TRIOBP: variants seen among roughly 807,000 people sequenced by gnomAD.
TRIOBP encodes TRIO and F-actin-binding protein.
Under a neutral mutation model 238.8 loss-of-function variants are expected in TRIOBP, and 169 were observed. The observed-to-expected ratio is 0.71, with a 90% CI of 0.62 to 0.80. The LOEUF (loss-of-function observed/expected upper bound fraction) is 0.80, where lower values mean the gene tolerates loss of function less well. TRIOBP is among the 30% of genes least tolerant of loss of function. TRIOBP has a pLI of 0.00. For synonymous variants in TRIOBP, 1,150 were observed against 1,274.4 expected (o/e 0.90, Z 2.08); for missense variants, 2,838 against 3,122.6 (o/e 0.91, Z 2.17).
rs745578834 is a variant in TRIOBP at position 37,734,382 on chromosome 22, C to G, written c.4063-17C>G. 6 of 1,610,638 alleles carry G rather than the reference C, an allele frequency of 3.7e-6. No homozygotes were observed. Among genetic ancestry groups the G allele is most frequent in the South Asian group, 1.1e-5 (1 of 90,840 alleles). On this transcript the variant is annotated splice_polypyrimidine_tract_variant and intron_variant, in intron 8 of 23. Coordinates refer to ENST00000644935, the MANE Select transcript of TRIOBP (RefSeq NM_001039141.3). ...CCCAGAGAGAGAGCCTCACCTACCC[C>G]CTCACCTCATCCCCAGGTGACCATG...
intron 23 of TRIOBP, among the ~76,000 whole-genome samples, 180 bp from the exon 24 acceptor site, chr22:37,773,603 C>T (rs1186812637): frequency 1.3e-5 from 2 of 152,136 alleles, no homozygotes; most frequent in Non-Finnish European, 2.9e-5. Flanking sequence ...CTTCCTATGG[C>T]ATGCAGGAGA....
Position 37,725,315 on chromosome 22 carries a change from G to A in TRIOBP, c.2759G>A (p.Arg920Gln), listed in dbSNP as rs776095562. ...PLRPTQSDGP[R>Q]TSSPSRSKQS... The stretch of plus-strand genomic sequence containing the variant: ...CGGCCAACTCAGAGTGATGGTCCCC[G>A]AACCTCTTCCCCATCTCGCTCCAAG... Residue 920 changes from arginine (R) to glutamine (Q), a missense_variant, in exon 7 of 24, where the codon CGA becomes CAA. Physicochemically the swap from Arg to Gln is conservative, Grantham distance 43 (BLOSUM62 1). Coordinates refer to ENST00000644935, the MANE Select transcript of TRIOBP (RefSeq NM_001039141.3). The A allele has an allele frequency of 6.8e-6, 11 of 1,613,382 alleles. No individual in the cohort carries two copies. Among genetic ancestry groups the A allele is most frequent in the South Asian group, 4.4e-5 (4 of 91,050 alleles).
chr22:37,764,830 G>T (rs1466646765), intron 17 of TRIOBP, among the ~76,000 whole-genome samples: 2 of 152,234 alleles, frequency 1.3e-5, no homozygotes, highest in Non-Finnish European at 2.9e-5. Context: ...AGACCCTGGG[G>T]ACTGCGCCAG....
At chr22:37,768,578 T>C (rs1015395140) in intron 19 of TRIOBP, among the ~76,000 whole-genome samples, 1 of 152,124 alleles carries the variant, frequency 6.6e-6, no homozygotes, top group Non-Finnish European at 1.5e-5. Flanking sequence ...CCCAGCACTT[T>C]GGGAGGCTGG....
At chr22:37,714,091 A>G (rs932966614) in intron 5 of TRIOBP, among the ~76,000 whole-genome samples, 4 of 152,244 alleles carry the variant, frequency 2.6e-5, no homozygotes, top group Middle Eastern at 3.4e-3. Flanking sequence ...TCAGAAGTGG[A>G]GATTTCAGTC....
chr22:37,758,181 C>T (rs774176660), intron 16 of TRIOBP, 43 bp downstream of exon 16: 15 of 1,605,562 alleles, frequency 9.3e-6, no homozygotes, highest in East Asian at 6.7e-5. Flanking sequence ...CTTGCCCCAG[C>T]GCCCCTCCAG....
chr22:37,705,429 G>A (rs1318283894), intron 3 of TRIOBP, among the ~76,000 whole-genome samples: 1 of 152,030 alleles, frequency 6.6e-6, no homozygotes, highest in East Asian at 1.9e-4. Flanking sequence ...AAAGGAGGCT[G>A]CACATCGGGC....
At chr22:37,742,589 G>A (rs371736248) in intron 11 of TRIOBP, among the ~76,000 whole-genome samples, 2 of 152,148 alleles carry the variant, frequency 1.3e-5, no homozygotes, top group African/African-American at 4.8e-5. Flanking sequence ...TGCTCTTTGT[G>A]GTTAAGGCAC....
intron 7 of TRIOBP, among the ~76,000 whole-genome samples, chr22:37,732,013 C>A (rs1924446009): frequency 6.6e-6 from 1 of 152,228 alleles, no homozygotes; most frequent in Non-Finnish European, 1.5e-5. Flanking sequence ...CTGCCTCACT[C>A]TGGGTCCACC....
At position 37,710,318 on chromosome 22, in the gene TRIOBP, C is replaced by T. The variant is rs1000475846; in HGVS notation, c.115-109C>T. The T allele has an allele frequency of 4.7e-6, 7 of 1,496,620 alleles. No individual in the cohort carries two copies. In the East Asian group the frequency reaches 1.4e-4, roughly 30 times the overall value. 92.7% of individuals were successfully genotyped at this position (1,496,620 alleles called of 1,614,324 possible). A position where few individuals can be genotyped will look rare whatever the true frequency, so the allele number is the denominator to read the frequency against. The stretch of plus-strand genomic sequence containing the variant: ...GGCAGCTCCTTGAGAAGTGCAGGAT[C>T]CCCCGAGGAGATGCCTGGAGACTCC... On this transcript the variant is annotated intron_variant, in intron 3 of 23. Transcript: ENST00000644935.
chr22:37,755,573 G>C lies in TRIOBP; in HGVS notation c.5601G>C (p.Leu1867Phe), dbSNP rs1479819269. The C allele has an allele frequency of 3.7e-6, 6 of 1,613,898 alleles. No homozygotes were observed. Among genetic ancestry groups the C allele is most frequent in the Non-Finnish European group, 5.1e-6 (6 of 1,180,036 alleles). Reference sequence around the variant, plus strand: ...AGACCAAGGATGCTGTCTATACCTTGTCGGCCATGACCTCAGGCATCCGGC... The same window carrying C: ...AGACCAAGGATGCTGTCTATACCTTCTCGGCCATGACCTCAGGCATCCGGC... ...QIHTKDAVYTLSAMTSGIRRN... is the reference protein window; with the variant it reads ...QIHTKDAVYTFSAMTSGIRRN... The change falls in exon 15 of 24, where the codon TTG (leucine) becomes TTC (phenylalanine). Residue 1867 changes from leucine (L) to phenylalanine (F), a missense_variant. By Grantham distance (22) the Leu-to-Phe change is conservative. Coordinates refer to ENST00000644935, the MANE Select transcript of TRIOBP (RefSeq NM_001039141.3).
chr22:37,726,441 C>T lies in TRIOBP; in HGVS notation c.3885C>T (p.Ser1295=), dbSNP rs739137. The stretch of plus-strand genomic sequence containing the variant: ...CAGGGCCCCAGGCGCAGTGCAGCAG[C>T]GGGGGCCGCACCCACAGCCCTGGCC... The part of the protein sequence containing the change: ...RQPGPQAQCS[S]GGRTHSPGRA... Residue 1295 remains serine, a synonymous_variant, in exon 7 of 24, where the codon AGC becomes AGT. Transcript: ENST00000644935. 668,780 of 1,575,944 alleles carry T rather than the reference C, an allele frequency of 0.42. 146,185 individuals are homozygous for T. The highest frequency in any genetic ancestry group is 0.56 in the East Asian group (24,704 of 43,846).
In TRIOBP at chr22:37,735,200, C is replaced by T. The variant is rs1313896980; in HGVS notation, c.4864C>T (p.Pro1622Ser). 4 of 1,608,852 alleles carry T rather than the reference C, an allele frequency of 2.5e-6. No individual in the cohort carries two copies. The highest frequency in any genetic ancestry group is 1.1e-5 in the South Asian group (1 of 90,972). ...ELGPPGTNDV[P>S]EQESHSQPEG... Reference sequence around the variant, plus strand: ...GGGTCCCCCAGGCACAAACGATGTCCCTGAGCAGGAGTCACACAGCCAGCC... The same window carrying T: ...GGGTCCCCCAGGCACAAACGATGTCTCTGAGCAGGAGTCACACAGCCAGCC... The change falls in exon 9 of 24, where the codon CCT (proline) becomes TCT (serine). Residue 1622 changes from proline (P) to serine (S), a missense_variant. Physicochemically the swap from Pro to Ser is moderately conservative, Grantham distance 74. This residue lies in a region of TRIOBP where 2,096 missense variants were observed against 2,137.4 expected (regional missense o/e 0.98). Transcript: ENST00000644935.
At chr22:37,746,858 C>T (rs1456231443) in intron 11 of TRIOBP, among the ~76,000 whole-genome samples, 2 of 152,150 alleles carry the variant, frequency 1.3e-5, no homozygotes, top group Non-Finnish European at 2.9e-5. Flanking sequence ...GGATGGGTCG[C>T]GCTGACCCGG....
Position 37,772,592 on chromosome 22 carries a change from G to A in TRIOBP, c.6937-9G>A. On this transcript the variant is annotated splice_polypyrimidine_tract_variant and intron_variant, in intron 22 of 23. Coordinates refer to ENST00000644935, the MANE Select transcript of TRIOBP (RefSeq NM_001039141.3). ...CTTCATGCCCTCATACCTGCCTCCT[G>A]CCCCCCAGGACAAGCGCTTCACCTC... 1.2e-6 allele frequency: 2 copies of A among 1,613,964 alleles called. No individual in the cohort carries two copies. The highest frequency in any genetic ancestry group is 1.7e-6 in the Non-Finnish European group (2 of 1,179,990).
chr22:37,697,961 AGGTCGAGGT>A (rs1409796606), intron 2 of TRIOBP, among the ~76,000 whole-genome samples: 1 of 151,672 alleles, frequency 6.6e-6, no homozygotes, highest in Non-Finnish European at 1.5e-5. Context: ...GCACTTTGGG[AGGTCGAGGT>A]GGGTGGATCA....
At chr22:37,738,750 G>A (rs1432384299) in intron 10 of TRIOBP, 31 bp downstream of exon 10, 13 of 1,609,902 alleles carry the variant, frequency 8.1e-6, no homozygotes, top group Non-Finnish European at 1.1e-5. Context: ...GGTACATACG[G>A]TGGGGAAGGG....
chr22:37,759,684 A>G (rs910105101), intron 17 of TRIOBP: 280 of 1,517,192 alleles, frequency 1.8e-4, no homozygotes, highest in Non-Finnish European at 2.3e-4. Flanking sequence ...AAGGCCCCAC[A>G]CAAGGAGGTC....
intron 22 of TRIOBP, chr22:37,772,031 A>T: frequency 2.2e-6 from 1 of 457,676 alleles, no homozygotes. Flanking sequence ...GGTGCTGGGA[A>T]GACAGATGTG....
Sources: gnomAD v4.1 joint callset for allele counts (sites outside exome capture counted in the v4.1 genomes callset) on GRCh38, gnomAD v4.1.1 for gene constraint, gnomAD v4.1.1 regional missense constraint, MANE v1.5 for transcripts, NCBI Gene and HGNC (gene_info 2026-07-23, HGNC 2026-07-21) for gene names.